CSMD1: variants seen among roughly 807,000 people sequenced by gnomAD.
CSMD1 encodes CUB and sushi domain-containing protein 1.
A neutral mutation model predicts 417.5 loss-of-function variants in CSMD1; 213 were observed. The ratio of observed to expected loss-of-function variants is 0.51; its 90% CI spans 0.46 to 0.57. The LOEUF is 0.57. Ranked by LOEUF, CSMD1 falls within the 20% of genes least tolerant of loss-of-function variation. CSMD1 has a pLI of 0.00. For synonymous variants in CSMD1, 2,862 were observed against 1,736.8 expected (o/e 1.65, Z -16.11); for missense variants, 6,923 against 4,529.7 (o/e 1.53, Z -15.17).
In CSMD1 at chr8:3,998,062, G is replaced by A. The variant is rs150247043; in HGVS notation, c.659C>T (p.Ser220Phe). The A allele has an allele frequency of 1.9e-4, 307 of 1,595,156 alleles. 1 individual carries two copies. In the African/African-American group the frequency reaches 3.7e-3, roughly 19 times the overall value. The change falls in exon 5 of 70, where the codon TCC (serine) becomes TTC (phenylalanine). Residue 220 changes from serine (S) to phenylalanine (F), a missense_variant. Transcript: ENST00000635120. Reference sequence around the variant, plus strand: ...GTACTCTGAAGGGAAGTGCGGGCTGGAGATGGAGCTGCTGGTCCCGCGTAA... The same window carrying A: ...GTACTCTGAAGGGAAGTGCGGGCTGAAGATGGAGCTGCTGGTCCCGCGTAA... ...GTLRGTSSSI[S>F]SPHFPSEYEN... is the part of the protein sequence containing the mutation.
intron 2 of CSMD1, among the ~76,000 whole-genome samples, chr8:4,509,851 C>T (rs1216910748): frequency 6.6e-6 from 1 of 152,158 alleles, no homozygotes; most frequent in Non-Finnish European, 1.5e-5. Context: ...AGATTCACAG[C>T]TGGTGCTTAG....
Position 3,416,639 on chromosome 8 carries a change from G to A in CSMD1, c.1562-7034C>T, listed in dbSNP as rs1026395041. On this transcript the variant is annotated intron_variant, in intron 12 of 69. Transcript: ENST00000635120. Reference sequence around the variant, plus strand: ...AGGAGCTACATGGAAACACGTCCAGGGAGTTGCCTGGTCCTTTAGATTCTG... The same window carrying A: ...AGGAGCTACATGGAAACACGTCCAGAGAGTTGCCTGGTCCTTTAGATTCTG... Among the ~76,000 whole-genome samples the A allele has an allele frequency of 3.3e-5, 5 of 152,166 alleles. No homozygotes were observed. The South Asian group carries it at 8.3e-4, about 25-fold the overall frequency.
chr8:4,488,412 G>C lies in CSMD1; in HGVS notation c.303-68347C>G, dbSNP rs573074880. On this transcript the variant is annotated intron_variant, in intron 2 of 69. Coordinates refer to ENST00000635120, the MANE Select transcript of CSMD1 (RefSeq NM_033225.6). ...AATAACCTGTGGGGGGCTTGATCTC[G>C]TTGCCTCTGTTTTACAGAGGGCAGA... Among the ~76,000 whole-genome samples the C allele has an allele frequency of 3.9e-5, 6 of 152,074 alleles. No homozygotes were observed. The East Asian group carries it at 1.2e-3, about 30-fold the overall frequency.
rs141353052 is a variant in CSMD1 at position 3,170,052 on chromosome 8, C to G, written c.5726-7775G>C. The stretch of plus-strand genomic sequence containing the variant: ...GGAAAGGACACAAGTGCAGGAGTCG[C>G]GTTAGGCATAAAAGCTTCTACTCTC... On this transcript the variant is annotated intron_variant, in intron 37 of 69. Transcript: ENST00000635120. Among the ~76,000 whole-genome samples the G allele has an allele frequency of 4.0e-3, 608 of 152,332 alleles. 2 individuals carry two copies. The highest frequency in any genetic ancestry group is 0.014 in the African/African-American group (574 of 41,578).
intron 3 of CSMD1, among the ~76,000 whole-genome samples, chr8:4,245,571 G>T (rs149239762): frequency 6.6e-6 from 1 of 152,184 alleles, no homozygotes; most frequent in East Asian, 1.9e-4. Context: ...GAGGAAATGT[G>T]AGTTCACAAT....
At chr8:4,518,525 C>A (rs1294603316) in intron 2 of CSMD1, among the ~76,000 whole-genome samples, 1 of 150,442 alleles carries the variant, frequency 6.6e-6, no homozygotes, top group East Asian at 1.9e-4. Context: ...GACAAAAAAC[C>A]AAACACCGCG....
At chr8:4,737,295 T>G (rs1810305067) in intron 1 of CSMD1, among the ~76,000 whole-genome samples, 1 of 151,498 alleles carries the variant, frequency 6.6e-6, no homozygotes, top group Non-Finnish European at 1.5e-5. Flanking sequence ...TAAGAACACA[T>G]GGAGACATGG....
chr8:4,621,688 C>T (rs372194107), intron 2 of CSMD1, among the ~76,000 whole-genome samples: 46 of 151,868 alleles, frequency 3.0e-4, no homozygotes, highest in African/African-American at 9.4e-4. Context: ...AATAATTTAC[C>T]GTCTCCTGTA....
At chr8:3,020,181 G>A (rs1337237766) in intron 51 of CSMD1, among the ~76,000 whole-genome samples, 3 of 152,194 alleles carry the variant, frequency 2.0e-5, no homozygotes, top group African/African-American at 7.2e-5. Context: ...AGCTCCTACT[G>A]CATAGGCTTG....
In CSMD1 at chr8:3,217,558, GA is replaced by G. The variant is rs150768875; in HGVS notation, c.4672+1696del. On this transcript the variant is annotated intron_variant, in intron 29 of 69. Transcript: ENST00000635120. ...GTTGGGGGCGTGGGGGGCTATCATA[GA>G]ATAAGTACTGTCATGGTAAAATGCA... 5.6e-3 allele frequency among the ~76,000 whole-genome samples: 847 copies of G among 152,260 alleles called. 7 individuals are homozygous for G. The highest frequency in any genetic ancestry group is 0.02 in the African/African-American group (832 of 41,538).
At chr8:3,331,508 C>G (rs1806895155) in intron 23 of CSMD1, among the ~76,000 whole-genome samples, 1 of 152,166 alleles carries the variant, frequency 6.6e-6, no homozygotes, top group Non-Finnish European at 1.5e-5. Flanking sequence ...TGCTGCCACT[C>G]ACTAATGATA....
At chr8:4,147,262 T>C (rs1804195013) in intron 3 of CSMD1, among the ~76,000 whole-genome samples, 3 of 151,974 alleles carry the variant, frequency 2.0e-5, no homozygotes, top group African/African-American at 7.3e-5. Context: ...CTTCAGCGGC[T>C]CCTCCTCACC....
intron 3 of CSMD1, among the ~76,000 whole-genome samples, chr8:4,286,104 A>G (rs2128863592): frequency 6.6e-6 from 1 of 152,106 alleles, no homozygotes; most frequent in East Asian, 1.9e-4. Context: ...TCTTTATGTG[A>G]CCGTTCACGT....
intron 5 of CSMD1, among the ~76,000 whole-genome samples, chr8:3,913,134 G>T (rs1473098558): frequency 6.6e-6 from 1 of 152,146 alleles, no homozygotes; most frequent in Non-Finnish European, 1.5e-5. Flanking sequence ...TTGGCACCTT[G>T]AAATTTGAAG....
intron 10 of CSMD1, among the ~76,000 whole-genome samples, chr8:3,505,417 G>A (rs59283435): frequency 0.014 from 2,157 of 152,136 alleles, 49 homozygotes; most frequent in African/African-American, 0.049. Context: ...AATTATGGGC[G>A]CAGAATCAAT....
At chr8:4,005,900 T>A in intron 4 of CSMD1, among the ~76,000 whole-genome samples, 1 of 152,198 alleles carries the variant, frequency 6.6e-6, no homozygotes. Flanking sequence ...TCACTGGGAA[T>A]TGGCTTAGAA....
chr8:3,607,096 T>A (rs1033072121), intron 8 of CSMD1, among the ~76,000 whole-genome samples: 1 of 152,158 alleles, frequency 6.6e-6, no homozygotes, highest in East Asian at 1.9e-4. Context: ...TACAAAAGTG[T>A]TTTTTCTTAA....
chr8:4,093,611 G>A (rs1320191615), intron 3 of CSMD1, among the ~76,000 whole-genome samples: 1 of 152,072 alleles, frequency 6.6e-6, no homozygotes. Flanking sequence ...TTCCCTATTT[G>A]AAAGTCGAAT....
chr8:3,442,340 C>T (rs1026658921), intron 12 of CSMD1, among the ~76,000 whole-genome samples: 29 of 152,092 alleles, frequency 1.9e-4, no homozygotes, highest in South Asian at 2.1e-4. Context: ...ATGTCCTAGG[C>T]CTTCAATTTC....
Sources: gnomAD v4.1 joint callset for allele counts (sites outside exome capture counted in the v4.1 genomes callset) on GRCh38, gnomAD v4.1.1 for gene constraint, MANE v1.5 for transcripts, NCBI Gene and HGNC (gene_info 2026-07-23, HGNC 2026-07-21) for gene names.